The following PLXNA2 variants were observed in gnomAD, a reference collection of about 807,000 sequenced individuals.
PLXNA2 encodes the protein plexin A2, also known as plexin-A2.
A neutral mutation model predicts 193.5 loss-of-function variants in PLXNA2; 91 were observed. The observed-to-expected ratio is 0.47, with a 90% CI of 0.40 to 0.56. The LOEUF is 0.56. PLXNA2 is among the 20% of genes least tolerant of loss of function. The pLI is 0.00. For synonymous variants in PLXNA2, 997 were observed against 1,027.3 expected, an observed-to-expected ratio of 0.97 and a Z score of 0.56; for missense variants, 1,995 against 2,503.2, an observed-to-expected ratio of 0.80 and a Z score of 4.33.
intron 4 of PLXNA2, among the ~76,000 whole-genome samples, chr1:208,141,611 G>C (rs1489986872): frequency 6.6e-6 from 1 of 152,160 alleles, no homozygotes; most frequent in African/African-American, 2.4e-5. Flanking sequence ...GTCCGGCTTG[G>C]CTAAGGTCTT....
At chr1:208,100,069 A>G (rs1308549700) in intron 5 of PLXNA2, among the ~76,000 whole-genome samples, 1 of 151,910 alleles carries the variant, frequency 6.6e-6, no homozygotes, top group Non-Finnish European at 1.5e-5. Flanking sequence ...AGTTTCCTCA[A>G]CTGTAAAAAA....
intron 4 of PLXNA2, among the ~76,000 whole-genome samples, chr1:208,135,370 C>G (rs921873305): frequency 1.3e-5 from 2 of 152,180 alleles, no homozygotes; most frequent in African/African-American, 4.8e-5. Flanking sequence ...AGGTAAGTCA[C>G]TGAGAGGCCT....
At chr1:208,053,526 G>A (rs1026278464) in intron 14 of PLXNA2, among the ~76,000 whole-genome samples, 4 of 152,252 alleles carry the variant, frequency 2.6e-5, no homozygotes, top group African/African-American at 9.6e-5. Context: ...TAAGAAGGCA[G>A]AGGCTAGAAA....
chr1:208,145,329 G>T (rs994468946), intron 3 of PLXNA2, among the ~76,000 whole-genome samples: 3 of 152,202 alleles, frequency 2.0e-5, no homozygotes, highest in Non-Finnish European at 2.9e-5. Context: ...GGTGCTGGCT[G>T]CGTCCCAGCA....
intron 2 of PLXNA2, among the ~76,000 whole-genome samples, chr1:208,211,936 C>G (rs1278293852): frequency 6.6e-6 from 1 of 152,200 alleles, no homozygotes; most frequent in African/African-American, 2.4e-5. Context: ...GGTTTGCATT[C>G]TGTACACAGT....
rs577282768 is a variant in PLXNA2 at position 208,098,207 on chromosome 1, G to C, written c.1731+639C>G. 4.4e-3 allele frequency among the ~76,000 whole-genome samples: 664 copies of C among 152,222 alleles called. 5 individuals carry two copies. The highest frequency in any genetic ancestry group is 0.014 in the African/African-American group (567 of 41,534). ...AGCTCCCTTGGAGCCAAAAGCTCCT[G>C]GTGGGGATGAATGAACTGAAATCTT... On this transcript the variant is annotated intron_variant, in intron 6 of 31. Transcript: ENST00000367033.
intron 17 of PLXNA2, among the ~76,000 whole-genome samples, chr1:208,046,540 G>A (rs745910947): frequency 5.9e-5 from 9 of 151,958 alleles, no homozygotes; most frequent in African/African-American, 9.7e-5. Context: ...GCTACTCTAG[G>A]AGTGTCTGTG....
At chr1:208,178,303 G>A (rs1023621216) in intron 3 of PLXNA2, among the ~76,000 whole-genome samples, 1 of 152,168 alleles carries the variant, frequency 6.6e-6, no homozygotes, top group Non-Finnish European at 1.5e-5. Flanking sequence ...TCCCTACAGG[G>A]CATGGGGACA....
At chr1:208,031,796 G>A (rs755916879) in intron 28 of PLXNA2, 37 bp from the exon 29 acceptor site, 8 of 1,497,590 alleles carry the variant, frequency 5.3e-6, no homozygotes, top group Non-Finnish European at 6.4e-6. Flanking sequence ...ATGGAGGGGG[G>A]TGACGGCAGG....
intron 12 of PLXNA2, among the ~76,000 whole-genome samples, chr1:208,073,022 C>T (rs1258580284): frequency 6.6e-6 from 1 of 152,198 alleles, no homozygotes; most frequent in Non-Finnish European, 1.5e-5. Flanking sequence ...TGCCACTAAC[C>T]AGATGTGTGT....
chr1:208,052,368 G>A lies in PLXNA2; in HGVS notation c.2952C>T (p.Ser984=), dbSNP rs376646242. 56 of 1,613,592 alleles carry A rather than the reference G, an allele frequency of 3.5e-5. No individual in the cohort carries two copies. The highest frequency in any genetic ancestry group is 8.8e-5 in the South Asian group (8 of 91,060). ...ITGHYLGAGS[S]VAVYLGNQTC... ...TCTGGTTGCCCAGGTAGACTGCCACGCTGCTCCCAGCCCCAAGGTAATGGC... is the reference window on the plus strand; with the variant it reads ...TCTGGTTGCCCAGGTAGACTGCCACACTGCTCCCAGCCCCAAGGTAATGGC... The change falls in exon 15 of 32, where the codon AGC becomes AGT. Residue 984 remains serine (S), a synonymous_variant. Transcript: ENST00000367033.
chr1:208,151,968 T>C (rs1484796164), intron 3 of PLXNA2, among the ~76,000 whole-genome samples: 1 of 152,234 alleles, frequency 6.6e-6, no homozygotes, highest in African/African-American at 2.4e-5. Context: ...ATAGATCATA[T>C]AGCTGTCTCC....
chr1:208,061,650 T>G (rs908986754), intron 12 of PLXNA2, among the ~76,000 whole-genome samples: 5 of 152,238 alleles, frequency 3.3e-5, no homozygotes, highest in African/African-American at 1.2e-4. Flanking sequence ...AAGGATTGCT[T>G]ATTTATTCAT....
At chr1:208,124,940 G>T (rs1452069331) in intron 4 of PLXNA2, among the ~76,000 whole-genome samples, 4 of 152,158 alleles carry the variant, frequency 2.6e-5, no homozygotes, top group African/African-American at 9.7e-5. Context: ...GAAGCTCAGA[G>T]AATGGGGTAT....
At chr1:208,218,888 C>G (rs949203413) in intron 1 of PLXNA2, among the ~76,000 whole-genome samples, 11 of 152,222 alleles carry the variant, frequency 7.2e-5, no homozygotes, top group Non-Finnish European at 1.6e-4. Context: ...CCAGGACACA[C>G]AGAGAACCAG....
intron 29 of PLXNA2, chr1:208,030,794 T>C: frequency 2.0e-6 from 2 of 985,424 alleles, no homozygotes; most frequent in Non-Finnish European, 2.4e-6. Context: ...TCTGTGCTCT[T>C]TCCCAAAGGA....
At position 208,072,155 on chromosome 1, in the gene PLXNA2, C is replaced by T. The variant is rs996756628; in HGVS notation, c.2586+7105G>A. Among the ~76,000 whole-genome samples the T allele has an allele frequency of 3.0e-4, 45 of 152,206 alleles. 1 individual carries two copies. Among genetic ancestry groups the T allele is most frequent in the Non-Finnish European group, 4.9e-4 (33 of 68,034 alleles). On this transcript the variant is annotated intron_variant, in intron 12 of 31. Coordinates refer to ENST00000367033, the MANE Select transcript of PLXNA2 (RefSeq NM_025179.4). ...TAATTGATTTTCTTTCTCAGTTACACGTACCTAAGATGCGTAAGATAATGT... is the reference window on the plus strand; with the variant it reads ...TAATTGATTTTCTTTCTCAGTTACATGTACCTAAGATGCGTAAGATAATGT...
chr1:208,195,605 G>A (rs558385622), intron 3 of PLXNA2, among the ~76,000 whole-genome samples: 4 of 145,482 alleles, frequency 2.7e-5, no homozygotes, highest in African/African-American at 7.5e-5. Context: ...CTGCCATTCT[G>A]TGAAGCTTTT....
chr1:208,088,462 A>C (rs1267370929), intron 9 of PLXNA2, among the ~76,000 whole-genome samples: 1 of 152,262 alleles, frequency 6.6e-6, no homozygotes, highest in Non-Finnish European at 1.5e-5. Context: ...CAGGGCATAA[A>C]GGAGATATTT....
Sources: gnomAD v4.1 joint callset for allele counts (sites outside exome capture counted in the v4.1 genomes callset) on GRCh38, gnomAD v4.1.1 for gene constraint, MANE v1.5 for transcripts, NCBI Gene and HGNC (gene_info 2026-07-23, HGNC 2026-07-21) for gene names.